The following ENTPD3 variants were observed in gnomAD, a reference collection of about 807,000 sequenced individuals.
ENTPD3 encodes the protein ectonucleoside triphosphate diphosphohydrolase 3, also known as CD39 antigen-like 3.
In ENTPD3, 60 loss-of-function variants were observed where a neutral mutation model predicts 51.2. The ratio of observed to expected loss-of-function variants is 1.17; its 90% confidence interval spans 0.95 to 1.45. ENTPD3 has a LOEUF of 1.45. ENTPD3 is among the 40% of genes most tolerant of loss of function. ENTPD3 has a pLI of 0.00. For missense variants in ENTPD3, 593 were observed against 641.1 expected, an observed-to-expected ratio of 0.93 and a Z score of 0.81; for synonymous variants, 221 against 238.4, an observed-to-expected ratio of 0.93 and a Z score of 0.67.
chr3:40,417,038 A>T (rs900721023), intron 7 of ENTPD3, among the ~76,000 whole-genome samples: 3 of 152,146 alleles, frequency 2.0e-5, no homozygotes, highest in Middle Eastern at 3.2e-3. Context: ...CCCAGTGTTC[A>T]TGCAGGGTAG....
intron 7 of ENTPD3, among the ~76,000 whole-genome samples, chr3:40,417,219 C>T (rs1955766900): frequency 6.6e-6 from 1 of 152,188 alleles, no homozygotes; most frequent in Non-Finnish European, 1.5e-5. Flanking sequence ...CTCAACTACC[C>T]TTCTGTAGTA....
rs1370817654 is a variant in ENTPD3, at chr3:40,422,998, G to A, written c.980G>A (p.Gly327Glu). 2.5e-6 allele frequency: 4 copies of A among 1,614,052 alleles called. No homozygotes were observed. The East Asian group carries it at 8.9e-5, about 36-fold the overall frequency. ...CCCAATGATGTCATCACTTTTGAAG[G>A]AACTGGGGACCCATCTCTGTGTAAG... The part of the protein sequence containing the change: ...YNPNDVITFE[G>E]TGDPSLCKEK... Residue 327 changes from glycine to glutamate, a missense_variant, in exon 8 of 11, where the codon GGA (glycine) becomes GAA (glutamate). By Grantham distance (98) the Gly-to-Glu change is moderately conservative. Transcript: ENST00000301825.
At chr3:40,401,119 G>T (rs1235856397) in intron 4 of ENTPD3, 108 bp downstream of exon 4, 2 of 802,768 alleles carry the variant, frequency 2.5e-6, no homozygotes, top group African/African-American at 1.7e-5. Flanking sequence ...CAGGGAATGA[G>T]CATTGGACTG....
intron 4 of ENTPD3, 57 bp downstream of exon 4, chr3:40,401,068 G>A (rs1955344328): frequency 6.7e-6 from 9 of 1,337,314 alleles, no homozygotes; most frequent in South Asian, 1.2e-5. Context: ...AGTTCTAAGT[G>A]TTTTGGAGGC....
chr3:40,418,217 G>A (rs1261818815), intron 7 of ENTPD3, among the ~76,000 whole-genome samples: 2 of 152,160 alleles, frequency 1.3e-5, no homozygotes, highest in Non-Finnish European at 2.9e-5. Context: ...ATGCCTGATA[G>A]GGTGGCTCTG....
intron 3 of ENTPD3, 101 bp downstream of exon 3, chr3:40,392,251 C>T (rs1955075705): frequency 7.1e-7 from 1 of 1,412,082 alleles, no homozygotes; most frequent in Non-Finnish European, 9.7e-7. Flanking sequence ...AAATCCTTTC[C>T]CCCCATCTCT....
chr3:40,419,147 T>A (rs1033474924), intron 7 of ENTPD3, among the ~76,000 whole-genome samples: 4 of 152,198 alleles, frequency 2.6e-5, no homozygotes, highest in African/African-American at 9.6e-5. Context: ...CTCATGGACA[T>A]CAGGCTATGT....
intron 3 of ENTPD3, among the ~76,000 whole-genome samples, chr3:40,397,554 C>A (rs989203238): frequency 5.9e-5 from 9 of 152,050 alleles, no homozygotes; most frequent in Non-Finnish European, 1.5e-5. Context: ...TAACACAAAG[C>A]ACTTTCTGCA....
chr3:40,413,828 G>A (rs1359415307), intron 5 of ENTPD3, among the ~76,000 whole-genome samples: 2 of 152,140 alleles, frequency 1.3e-5, no homozygotes, highest in Non-Finnish European at 2.9e-5. Flanking sequence ...AAATAGAAAA[G>A]AAAACAATTA....
chr3:40,426,619 C>G (rs192592421), intron 10 of ENTPD3, among the ~76,000 whole-genome samples: 14 of 152,086 alleles, frequency 9.2e-5, no homozygotes, highest in Admixed American at 2.6e-4. Context: ...ATGGTTCAAG[C>G]ATAAAGACAT....
intron 2 of ENTPD3, among the ~76,000 whole-genome samples, chr3:40,390,152 T>C (rs1324530904): frequency 6.6e-6 from 1 of 152,230 alleles, no homozygotes; most frequent in Non-Finnish European, 1.5e-5. Context: ...TTCATCATAT[T>C]TCAACCATTT....
At chr3:40,390,455 C>T (rs7634375) in intron 2 of ENTPD3, among the ~76,000 whole-genome samples, 39,243 of 152,048 alleles carry the variant, frequency 0.26, 5,982 homozygotes, top group East Asian at 0.51. Flanking sequence ...TCTCAGCCTC[C>T]CAAAGCTGGG....
intron 4 of ENTPD3, among the ~76,000 whole-genome samples, chr3:40,401,411 A>T (rs1401585500): frequency 6.6e-6 from 1 of 152,222 alleles, no homozygotes; most frequent in Non-Finnish European, 1.5e-5. Flanking sequence ...CAATTTGCCC[A>T]GGATGATGGA....
At chr3:40,387,976 G>A (rs910629216) in intron 1 of ENTPD3, 70 bp from the exon 2 acceptor site, 1 of 1,309,228 alleles carries the variant, frequency 7.6e-7, no homozygotes, top group African/African-American at 1.5e-5. Context: ...GTCTTAACCT[G>A]GGCTCGTTCT....
chr3:40,406,663 A>C (rs1955508837), intron 4 of ENTPD3, among the ~76,000 whole-genome samples: 1 of 152,082 alleles, frequency 6.6e-6, no homozygotes, highest in African/African-American at 2.4e-5. Flanking sequence ...ACATTTTGCA[A>C]TGTCTGGAGA....
intron 4 of ENTPD3, among the ~76,000 whole-genome samples, chr3:40,402,856 A>C (rs1452632178): frequency 6.6e-6 from 1 of 152,218 alleles, no homozygotes; most frequent in Admixed American, 6.5e-5. Flanking sequence ...ACAATTAAGT[A>C]ATTAGTCCAA....
intron 5 of ENTPD3, 127 bp downstream of exon 5, chr3:40,412,089 C>A: frequency 1.0e-6 from 1 of 968,354 alleles, no homozygotes. Context: ...CCACATTCTG[C>A]CATAAATTTG....
Position 40,428,249 on chromosome 3 carries a change from G to A in ENTPD3, c.*741G>A, listed in dbSNP as rs1259981657. ...TCCCATAAAAACACATTGATCCCTA[G>A]CAAGATTATTGCATTCCAGATTTTA... On this transcript the variant is annotated 3_prime_UTR_variant, in exon 11 of 11. Coordinates refer to ENST00000301825, the MANE Select transcript of ENTPD3 (RefSeq NM_001248.4). The A allele has an allele frequency of 1.3e-5, 2 of 152,124 alleles. No individual in the cohort carries two copies. The highest frequency in any genetic ancestry group is 3.9e-4 in the East Asian group (2 of 5,190). The allele number at this position is 152,124 out of a possible 1,614,324, so 9.4% of individuals were successfully genotyped here.
At chr3:40,412,980 T>G (rs1203533726) in intron 5 of ENTPD3, among the ~76,000 whole-genome samples, 1 of 152,204 alleles carries the variant, frequency 6.6e-6, no homozygotes, top group Non-Finnish European at 1.5e-5. Context: ...TTCCTTTTGC[T>G]TTTTCTTTCT....
Sources: gnomAD v4.1 joint callset for allele counts (sites outside exome capture counted in the v4.1 genomes callset) on GRCh38, gnomAD v4.1.1 for gene constraint, MANE v1.5 for transcripts, NCBI Gene and HGNC (gene_info 2026-07-23, HGNC 2026-07-21) for gene names.